UBE2D4: variants seen among roughly 807,000 people sequenced by gnomAD.
The protein encoded by UBE2D4 is ubiquitin-conjugating enzyme E2 D4.
A neutral mutation model predicts 23.0 loss-of-function variants in UBE2D4; 17 were observed. That is an observed-to-expected ratio of 0.74 (90% CI 0.51 to 1.11). UBE2D4 has a LOEUF of 1.11. Among genes scored for constraint, UBE2D4 ranks in the 50% least tolerant of loss-of-function variants. The pLI is 0.00. For synonymous variants in UBE2D4, 61 were observed against 69.4 expected (o/e 0.88, Z 0.60); for missense variants, 139 against 181.8 (o/e 0.76, Z 1.35).
intron 1 of UBE2D4, among the ~76,000 whole-genome samples, chr7:43,927,305 T>C (rs1446496336): frequency 6.6e-6 from 1 of 150,962 alleles, no homozygotes; most frequent in South Asian, 2.1e-4. Flanking sequence ...ATAACTTTTT[T>C]TTTTTTTTTT....
At chr7:43,928,230 C>A in intron 1 of UBE2D4, 2 of 295,510 alleles carry the variant, frequency 6.8e-6, no homozygotes, top group Non-Finnish European at 1.4e-5. Context: ...ATGAGGAATC[C>A]GCCCCCACGA....
Position 43,950,693 on chromosome 7 carries a change from G to T in UBE2D4, c.398+1G>T. The T allele has an allele frequency of 6.2e-7, 1 of 1,613,696 alleles. No homozygotes were observed. Among genetic ancestry groups the T allele is most frequent in the Non-Finnish European group, 8.5e-7 (1 of 1,179,562 alleles). ...ACACCTACAAGGCCGACAGAGAGAA[G>T]TACGTGTCCTCTTTGGGTTGCCTTT... On this transcript the variant is annotated splice_donor_variant, in intron 6 of 6. Coordinates refer to ENST00000222402, the MANE Select transcript of UBE2D4 (RefSeq NM_015983.4). LOFTEE classifies it high-confidence loss of function.
In UBE2D4 at chr7:43,955,333, G is replaced by C. The variant is rs925820763; in HGVS notation, c.*2638G>C. 1.8e-4 allele frequency: 28 copies of C among 152,226 alleles called. 1 individual carries two copies. Among genetic ancestry groups the C allele is most frequent in the Admixed American group, 1.2e-3 (18 of 15,282 alleles). The allele number at this position is 152,226 out of a possible 1,614,324, so 9.4% of individuals were successfully genotyped here. On this transcript the variant is annotated 3_prime_UTR_variant, in exon 7 of 7. Transcript: ENST00000222402. Reference sequence around the variant, plus strand: ...GACAAGAGTGATCAGAAAGGTGCTTGATCTTGAACAATTGATCCATGATGA... The same window carrying C: ...GACAAGAGTGATCAGAAAGGTGCTTCATCTTGAACAATTGATCCATGATGA...
At chr7:43,947,021 C>T (rs536547189) in intron 4 of UBE2D4, 2 of 152,236 alleles carry the variant, frequency 1.3e-5, no homozygotes, top group Admixed American at 1.3e-4. Context: ...TAATGCTATC[C>T]CTGCCTCAGC....
rs1361139825 is a variant in UBE2D4 at position 43,953,843 on chromosome 7, C to G, written c.*1148C>G. On this transcript the variant is annotated 3_prime_UTR_variant, in exon 7 of 7. Coordinates refer to ENST00000222402, the MANE Select transcript of UBE2D4 (RefSeq NM_015983.4). ...TCAGATCTCTAAAGCCAAATTCAAC[C>G]TGATCTTTCTAGGTTGGTTATAAAG... The G allele has an allele frequency of 6.6e-6, 1 of 152,520 alleles. No individual in the cohort carries two copies. Among genetic ancestry groups the G allele is most frequent in the Non-Finnish European group, 1.5e-5 (1 of 68,294 alleles). The allele number at this position is 152,520 out of a possible 1,614,324, so 9.4% of individuals were successfully genotyped here. A position where few individuals can be genotyped will look rare whatever the true frequency, so the allele number is the denominator to read the frequency against.
At chr7:43,931,474 C>G (rs904457204) in intron 1 of UBE2D4, among the ~76,000 whole-genome samples, 2 of 151,914 alleles carry the variant, frequency 1.3e-5, no homozygotes, top group East Asian at 3.9e-4. Flanking sequence ...AAACAGAAAA[C>G]CTGAGATGAG....
chr7:43,931,449 A>C (rs1475591398), intron 1 of UBE2D4, among the ~76,000 whole-genome samples: 1 of 152,146 alleles, frequency 6.6e-6, no homozygotes, highest in Non-Finnish European at 1.5e-5. Context: ...ATCTTAAAAA[A>C]CAAACAAACA....
rs145000796 is a variant in UBE2D4, at chr7:43,934,353, T to C, written c.25-4078T>C. On this transcript the variant is annotated intron_variant, in intron 1 of 6. Transcript: ENST00000222402. ...CCATTGTTTTGGAAGACACAGAGGA[T>C]GATATTGTGTAGACATCAATGACTC... Among the ~76,000 whole-genome samples the C allele has an allele frequency of 4.1e-3, 626 of 152,262 alleles. 7 individuals carry two copies. The highest frequency in any genetic ancestry group is 0.014 in the African/African-American group (597 of 41,552).
intron 2 of UBE2D4, among the ~76,000 whole-genome samples, chr7:43,940,444 C>G (rs1585868799): frequency 6.6e-6 from 1 of 152,176 alleles, no homozygotes; most frequent in Non-Finnish European, 1.5e-5. Flanking sequence ...TTAGCCTTAC[C>G]TGTCTAGAGG....
At chr7:43,951,728 GC>G (rs1438314668) in intron 6 of UBE2D4, among the ~76,000 whole-genome samples, 5 of 152,042 alleles carry the variant, frequency 3.3e-5, no homozygotes, top group Admixed American at 3.3e-4. Context: ...TTGCCATGTT[GC>G]CCAGGCTGGT....
Position 43,936,371 on chromosome 7 carries a change from A to C in UBE2D4, c.25-2060A>C, listed in dbSNP as rs114187622. On this transcript the variant is annotated intron_variant, in intron 1 of 6. Coordinates refer to ENST00000222402, the MANE Select transcript of UBE2D4 (RefSeq NM_015983.4). Reference sequence around the variant, plus strand: ...ACCATGGTTTGCTTAACTCTTCTCTACTACTATTCAATACTTTAACTTACT... The same window carrying C: ...ACCATGGTTTGCTTAACTCTTCTCTCCTACTATTCAATACTTTAACTTACT... Among the ~76,000 whole-genome samples the C allele has an allele frequency of 4.3e-3, 648 of 152,212 alleles. 5 individuals carry two copies. The highest frequency in any genetic ancestry group is 0.014 in the African/African-American group (599 of 41,524).
intron 1 of UBE2D4, among the ~76,000 whole-genome samples, chr7:43,933,066 C>T (rs557782853): frequency 2.9e-4 from 41 of 143,388 alleles, no homozygotes; most frequent in African/African-American, 9.8e-4. Flanking sequence ...AACATATATA[C>T]ACACATATAT....
chr7:43,942,546 G>C, intron 2 of UBE2D4: 1 of 579,996 alleles, frequency 1.7e-6, no homozygotes, highest in Non-Finnish European at 3.1e-6. Context: ...TCCACGGAGA[G>C]AGAAGAATAG....
In UBE2D4 at chr7:43,952,634, T is replaced by G; in HGVS notation, c.399-16T>G. 6.2e-7 allele frequency: 1 copy of G among 1,612,920 alleles called. No individual in the cohort carries two copies. On this transcript the variant is annotated splice_polypyrimidine_tract_variant and intron_variant, in intron 6 of 6. Coordinates refer to ENST00000222402, the MANE Select transcript of UBE2D4 (RefSeq NM_015983.4). ...TTTCAAGTGAGGGTGTCACTTCCTC[T>G]GCTTTTTTATTCCAGGTACAACAGA... is the stretch of plus-strand genomic sequence containing the variant.
intron 6 of UBE2D4, among the ~76,000 whole-genome samples, chr7:43,951,516 TTAGAA>T (rs1341397878): frequency 2.6e-5 from 4 of 152,148 alleles, no homozygotes; most frequent in African/African-American, 7.2e-5. Flanking sequence ...TCTGAAGAGA[TTAGAA>T]TAGAGTATGT....
rs976541486 is a variant in UBE2D4, at chr7:43,952,625, C to T, written c.399-25C>T. On this transcript the variant is annotated intron_variant, in intron 6 of 6. Coordinates refer to ENST00000222402, the MANE Select transcript of UBE2D4 (RefSeq NM_015983.4). ...AAGTGACCATTTCAAGTGAGGGTGTCACTTCCTCTGCTTTTTTATTCCAGG... is the reference window on the plus strand; with the variant it reads ...AAGTGACCATTTCAAGTGAGGGTGTTACTTCCTCTGCTTTTTTATTCCAGG... 1.6e-5 allele frequency: 26 copies of T among 1,610,114 alleles called. No homozygotes were observed. In the Admixed American group the frequency reaches 2.7e-4, roughly 17 times the overall value.
rs1415179525 is a variant in UBE2D4, at chr7:43,954,859, A to G, written c.*2164A>G. On this transcript the variant is annotated 3_prime_UTR_variant, in exon 7 of 7. Coordinates refer to ENST00000222402, the MANE Select transcript of UBE2D4 (RefSeq NM_015983.4). ...GGTCAGATGGGAAAATTAAGGCCCA[A>G]CTTGGTGTTGGGGAATAACCATACT... is the stretch of plus-strand genomic sequence containing the variant. 1 of 152,206 alleles carries G rather than the reference A, an allele frequency of 6.6e-6. No individual in the cohort carries two copies. The highest frequency in any genetic ancestry group is 2.4e-5 in the African/African-American group (1 of 41,456). 9.4% of individuals were successfully genotyped at this position (152,206 alleles called of 1,614,324 possible). A position where few individuals can be genotyped will look rare whatever the true frequency, so the allele number is the denominator to read the frequency against.
intron 1 of UBE2D4, among the ~76,000 whole-genome samples, chr7:43,928,739 CAAG>C (rs2095938987): frequency 6.6e-6 from 1 of 152,016 alleles, no homozygotes; most frequent in East Asian, 1.9e-4. Flanking sequence ...GAAAGTGAAA[CAAG>C]GAGGTGTACA....
chr7:43,955,876 C>G lies in UBE2D4; in HGVS notation c.*3181C>G, dbSNP rs985840987. Reference sequence around the variant, plus strand: ...ACTGGATCTAGCCATAAATGGTGGTCTTCAGAAAAATGGAGATTGTGGCTG... The same window carrying G: ...ACTGGATCTAGCCATAAATGGTGGTGTTCAGAAAAATGGAGATTGTGGCTG... On this transcript the variant is annotated 3_prime_UTR_variant, in exon 7 of 7. Coordinates refer to ENST00000222402, the MANE Select transcript of UBE2D4 (RefSeq NM_015983.4). 1.3e-5 allele frequency: 2 copies of G among 152,084 alleles called. No homozygotes were observed. Among genetic ancestry groups the G allele is most frequent in the African/African-American group, 4.8e-5 (2 of 41,406 alleles). The allele number at this position is 152,084 out of a possible 1,614,324, so 9.4% of individuals were successfully genotyped here.
Sources: allele counts gnomAD v4.1 joint callset (sites outside exome capture counted in the v4.1 genomes callset), GRCh38; gene constraint gnomAD v4.1.1; transcripts MANE v1.5; gene names NCBI Gene and HGNC (gene_info 2026-07-23, HGNC 2026-07-21).